The following LRP1B variants were observed in gnomAD, a reference collection of about 807,000 sequenced individuals.
LRP1B encodes the protein low-density lipoprotein receptor-related protein 1B.
LRP1B carries 217 observed loss-of-function variants against 556.6 expected under a neutral mutation model. The ratio of observed to expected loss-of-function variants is 0.39; its 90% confidence interval spans 0.35 to 0.44. The LOEUF is 0.44. LRP1B is among the 20% of genes least tolerant of loss of function. LRP1B has a pLI of 1.00. For synonymous variants in LRP1B, 2,047 were observed against 1,865.8 expected (o/e 1.10, Z -2.50); for missense variants, 5,053 against 5,620.8 (o/e 0.90, Z 3.23).
At chr2:140,983,538 C>G (rs1031684177) in intron 17 of LRP1B, among the ~76,000 whole-genome samples, 3 of 152,022 alleles carry the variant, frequency 2.0e-5, no homozygotes. Context: ...TGAATTAGGG[C>G]TTCAGAAATC....
At chr2:141,932,276 T>G (rs1375631327) in intron 1 of LRP1B, among the ~76,000 whole-genome samples, 1 of 152,104 alleles carries the variant, frequency 6.6e-6, no homozygotes, top group Non-Finnish European at 1.5e-5. Flanking sequence ...CCATAGCTGT[T>G]TTTTAAACAT....
chr2:141,850,234 T>C (rs987717713), intron 1 of LRP1B, among the ~76,000 whole-genome samples: 1 of 151,680 alleles, frequency 6.6e-6, no homozygotes. Flanking sequence ...TTATGCTTTT[T>C]TTCCCCCATG....
intron 41 of LRP1B, among the ~76,000 whole-genome samples, chr2:140,669,961 C>T (rs1274839106): frequency 6.6e-6 from 1 of 152,042 alleles, no homozygotes; most frequent in African/African-American, 2.4e-5. Flanking sequence ...AATATCTTAA[C>T]ATAAATTATC....
intron 7 of LRP1B, among the ~76,000 whole-genome samples, chr2:141,063,702 G>A (rs930776725): frequency 6.6e-6 from 1 of 151,716 alleles, no homozygotes; most frequent in East Asian, 2.0e-4. Flanking sequence ...TTTGTTCATA[G>A]CTATTCTGTT....
At chr2:141,512,622 T>C (rs1684171502) in intron 2 of LRP1B, among the ~76,000 whole-genome samples, 1 of 152,192 alleles carries the variant, frequency 6.6e-6, no homozygotes, top group Non-Finnish European at 1.5e-5. Flanking sequence ...TTATATTTCA[T>C]GTGAACTCCT....
intron 45 of LRP1B, among the ~76,000 whole-genome samples, chr2:140,538,969 T>C (rs1252213858): frequency 6.6e-6 from 1 of 152,162 alleles, no homozygotes; most frequent in Non-Finnish European, 1.5e-5. Flanking sequence ...CTCAGGTATG[T>C]TCATTTGATG....
chr2:141,808,382 G>T (rs1696230359), intron 2 of LRP1B, among the ~76,000 whole-genome samples: 3 of 152,048 alleles, frequency 2.0e-5, no homozygotes, highest in African/African-American at 7.2e-5. Context: ...TTTCCTTGTA[G>T]CTAAAGAGGA....
Position 141,925,842 on chromosome 2 carries a change from G to A in LRP1B, c.83-115441C>T, listed in dbSNP as rs533475389. 1.5e-4 allele frequency among the ~76,000 whole-genome samples: 23 copies of A among 152,250 alleles called. No homozygotes were observed. The South Asian group carries it at 4.8e-3, about 32-fold the overall frequency. ...AAGACTACAGACTTTGGACTTCTTG[G>A]TTTAAATTCCAGCCCTGTATTTCTT... On this transcript the variant is annotated intron_variant, in intron 1 of 90. Coordinates refer to ENST00000389484, the MANE Select transcript of LRP1B (RefSeq NM_018557.3).
chr2:141,179,493 T>C (rs1267188431), intron 7 of LRP1B, among the ~76,000 whole-genome samples: 1 of 152,076 alleles, frequency 6.6e-6, no homozygotes, highest in Non-Finnish European at 1.5e-5. Context: ...GTTTTGTTTT[T>C]ACCAAAAGGC....
At chr2:140,275,800 C>T (rs559578780) in intron 84 of LRP1B, among the ~76,000 whole-genome samples, 3 of 151,902 alleles carry the variant, frequency 2.0e-5, no homozygotes, top group Non-Finnish European at 4.4e-5. Flanking sequence ...TCTCATTGAG[C>T]GTCACAGACG....
intron 3 of LRP1B, among the ~76,000 whole-genome samples, chr2:141,258,505 A>AT (rs1269579203): frequency 6.6e-6 from 1 of 152,116 alleles, no homozygotes; most frequent in African/African-American, 2.4e-5. Context: ...AGAAGATATC[A>AT]TTTCACAAAT....
At chr2:142,067,505 A>T (rs953580943) in intron 1 of LRP1B, among the ~76,000 whole-genome samples, 2 of 151,608 alleles carry the variant, frequency 1.3e-5, no homozygotes, top group African/African-American at 4.8e-5. Flanking sequence ...GGACTAAAAA[A>T]TATGCTGTGA....
intron 46 of LRP1B, among the ~76,000 whole-genome samples, chr2:140,535,293 G>A (rs1574052291): frequency 1.3e-5 from 2 of 152,076 alleles, no homozygotes; most frequent in Non-Finnish European, 2.9e-5. Context: ...GCAAGCCTGT[G>A]ACTTTATTGC....
At chr2:140,859,034 G>T (rs1451870936) in intron 27 of LRP1B, among the ~76,000 whole-genome samples, 1 of 152,038 alleles carries the variant, frequency 6.6e-6, no homozygotes, top group Non-Finnish European at 1.5e-5. Context: ...TGCCCAGGCT[G>T]CTCTTGAACT....
intron 41 of LRP1B, among the ~76,000 whole-genome samples, chr2:140,619,205 T>C (rs1683365863): frequency 6.6e-6 from 1 of 151,842 alleles, no homozygotes; most frequent in South Asian, 2.1e-4. Flanking sequence ...CCCCTATCAT[T>C]CCCTGACACT....
At chr2:140,551,693 C>G (rs116457521) in intron 43 of LRP1B, among the ~76,000 whole-genome samples, 3,090 of 152,168 alleles carry the variant, frequency 0.02, 107 homozygotes, top group African/African-American at 0.07. Context: ...TCAGAGAGAC[C>G]AGTCAAGATC....
chr2:141,843,923 A>G (rs1321146212), intron 1 of LRP1B, among the ~76,000 whole-genome samples: 2 of 152,064 alleles, frequency 1.3e-5, no homozygotes, highest in African/African-American at 2.4e-5. Flanking sequence ...GGGAACCATA[A>G]CATCAGCCGG....
intron 79 of LRP1B, among the ~76,000 whole-genome samples, chr2:140,333,097 T>G (rs757247631): frequency 3.9e-5 from 6 of 152,018 alleles, no homozygotes; most frequent in Non-Finnish European, 8.8e-5. Context: ...CTGGGCATAC[T>G]CACCTTCTTT....
intron 35 of LRP1B, among the ~76,000 whole-genome samples, chr2:140,718,047 A>T (rs188885420): frequency 6.0e-4 from 92 of 152,208 alleles, no homozygotes; most frequent in African/African-American, 2.1e-3. Flanking sequence ...ACAAAAATAA[A>T]TCTTATTTTT....
Sources: allele counts gnomAD v4.1 joint callset (sites outside exome capture counted in the v4.1 genomes callset), GRCh38; gene constraint gnomAD v4.1.1; transcripts MANE v1.5; gene names NCBI Gene and HGNC (gene_info 2026-07-23, HGNC 2026-07-21).